ZNF33A: variants seen among roughly 807,000 people sequenced by gnomAD.
ZNF33A encodes the protein brain my041 protein.
A neutral mutation model predicts 15.9 loss-of-function variants in ZNF33A; 9 were observed. The observed-to-expected ratio is 0.57, with a 90% CI of 0.34 to 0.99. The LOEUF (loss-of-function observed/expected upper bound fraction) is 0.99. Ranked by LOEUF, ZNF33A falls within the 50% of genes least tolerant of loss-of-function variation. ZNF33A has a pLI of 0.02. For synonymous variants in ZNF33A, 294 were observed against 324.2 expected (o/e 0.91, Z 1.00); for missense variants, 843 against 941.6 (o/e 0.90, Z 1.37).
At chr10:38,037,511 A>G (rs2065505930) in intron 4 of ZNF33A, among the ~76,000 whole-genome samples, 1 of 151,790 alleles carries the variant, frequency 6.6e-6, no homozygotes, top group Non-Finnish European at 1.5e-5. Context: ...TTTTTAGTAG[A>G]GATGGAGTTT....
At chr10:38,022,519 TG>T (rs1308156999) in intron 4 of ZNF33A, among the ~76,000 whole-genome samples, 1 of 151,834 alleles carries the variant, frequency 6.6e-6, no homozygotes, top group Non-Finnish European at 1.5e-5. Context: ...TAGTCTGGTG[TG>T]GTGGTGCACG....
intron 2 of ZNF33A, among the ~76,000 whole-genome samples, chr10:38,014,553 C>A (rs1304360861): frequency 6.6e-6 from 1 of 152,182 alleles, no homozygotes; most frequent in Non-Finnish European, 1.5e-5. Flanking sequence ...AGGTAGATGT[C>A]AGATTCCTTT....
chr10:38,061,012 TACAGCACTTG>T (rs929246326), downstream of ZNF33A, among the ~76,000 whole-genome samples: 30 of 152,296 alleles, frequency 2.0e-4, no homozygotes, highest in African/African-American at 6.7e-4. Context: ...GACCACACTG[TACAGCACTTG>T]ACAGTCACTG....
chr10:38,037,334 CTTT>C (rs372716423), intron 4 of ZNF33A, among the ~76,000 whole-genome samples: 1 of 147,796 alleles, frequency 6.8e-6, no homozygotes, highest in African/African-American at 2.5e-5. Flanking sequence ...TTTCTTTTTT[CTTT>C]TTTTTTTTGA....
At chr10:38,026,194 A>G (rs1316622442) in intron 4 of ZNF33A, among the ~76,000 whole-genome samples, 1 of 152,228 alleles carries the variant, frequency 6.6e-6, no homozygotes, top group Non-Finnish European at 1.5e-5. Flanking sequence ...TTCAGTGAAC[A>G]CTGGCATATC....
At chr10:38,060,713 G>T (rs2066645877), downstream of ZNF33A, among the ~76,000 whole-genome samples, 1 of 152,210 alleles carries the variant, frequency 6.6e-6, no homozygotes, top group Non-Finnish European at 1.5e-5. Context: ...CCCATCCGAA[G>T]CCAGGGTCAT....
downstream of ZNF33A, chr10:38,064,122 C>T (rs751081154): frequency 6.3e-7 from 1 of 1,595,952 alleles, no homozygotes; most frequent in Non-Finnish European, 8.5e-7. Flanking sequence ...GATTAAACCC[C>T]TGCAGTGCTG....
At chr10:38,025,758 A>G (rs2064958712) in intron 4 of ZNF33A, among the ~76,000 whole-genome samples, 1 of 152,270 alleles carries the variant, frequency 6.6e-6, no homozygotes, top group Non-Finnish European at 1.5e-5. Flanking sequence ...ATGATGCTGG[A>G]GCATTTTAAC....
intron 1 of ZNF33A, among the ~76,000 whole-genome samples, chr10:38,011,847 T>A (rs2064201365): frequency 6.6e-6 from 1 of 152,202 alleles, no homozygotes; most frequent in Non-Finnish European, 1.5e-5. Context: ...CGCTTATGGC[T>A]TTCTGTGGAG....
At position 38,052,069 on chromosome 10, in the gene ZNF33A, A is replaced by G. The variant is rs190079980; in HGVS notation, c.251-2306A>G. 3.9e-5 allele frequency among the ~76,000 whole-genome samples: 6 copies of G among 152,302 alleles called. No individual in the cohort carries two copies. The East Asian group carries it at 7.7e-4, about 20-fold the overall frequency. On this transcript the variant is annotated intron_variant, in intron 4 of 4. Coordinates refer to ENST00000432900, the MANE Select transcript of ZNF33A (RefSeq NM_006954.2). ...ATGATTTCTTTCCAATATCAGGAACATGACAAGGATGTCCACCCATACTTG... is the reference window on the plus strand; with the variant it reads ...ATGATTTCTTTCCAATATCAGGAACGTGACAAGGATGTCCACCCATACTTG...
intron 1 of ZNF33A, 39 bp downstream of exon 1, chr10:38,010,822 C>A (rs747357879): frequency 6.3e-7 from 1 of 1,596,216 alleles, no homozygotes. Context: ...GAGAGGGAGC[C>A]CCGCGCGACT....
At position 38,059,651 on chromosome 10, in the gene ZNF33A, G is replaced by A. The variant is rs1415640578; in HGVS notation, c.*3091G>A. 6.6e-6 allele frequency: 1 copy of A among 152,174 alleles called. No individual in the cohort carries two copies. The highest frequency in any genetic ancestry group is 1.5e-5 in the Non-Finnish European group (1 of 68,030). 9.4% of individuals were successfully genotyped at this position (152,174 alleles called of 1,614,324 possible). A position where few individuals can be genotyped will look rare whatever the true frequency, so the allele number is the denominator to read the frequency against. On this transcript the variant is annotated 3_prime_UTR_variant, in exon 5 of 5. Transcript: ENST00000432900. Reference sequence around the variant, plus strand: ...TATGATTGCAATTATATGACATTTTGGGAGAGGCAAAACTATTGAGCCAGT... The same window carrying A: ...TATGATTGCAATTATATGACATTTTAGGAGAGGCAAAACTATTGAGCCAGT...
chr10:38,020,137 CAG>C (rs975152495), intron 4 of ZNF33A, among the ~76,000 whole-genome samples: 38 of 152,142 alleles, frequency 2.5e-4, no homozygotes, highest in African/African-American at 8.4e-4. Context: ...AGCAGCCTAA[CAG>C]AGCAATATTT....
Position 38,056,795 on chromosome 10 carries a change from CTAAA to C in ZNF33A, c.*236_*239del. On this transcript the variant is annotated 3_prime_UTR_variant, in exon 5 of 5. Coordinates refer to ENST00000432900, the MANE Select transcript of ZNF33A (RefSeq NM_006954.2). The stretch of plus-strand genomic sequence containing the variant: ...GGAGAAAATTGTCAATTTAAGAAAT[CTAAA>C]GTGAAAATTTTGCTTAGAAATAAAA... The C allele has an allele frequency of 8.4e-7, 1 of 1,192,758 alleles. No individual in the cohort carries two copies. The highest frequency in any genetic ancestry group is 1.0e-6 in the Non-Finnish European group (1 of 962,930). The allele number at this position is 1,192,758 out of a possible 1,614,324, so 73.9% of individuals were successfully genotyped here.
chr10:38,016,791 A>G (rs2064468444), intron 2 of ZNF33A, 80 bp from the exon 3 acceptor site: 1 of 1,502,410 alleles, frequency 6.7e-7, no homozygotes, highest in Non-Finnish European at 9.0e-7. Flanking sequence ...ATAAAACAAA[A>G]CAATATTCTG....
intron 4 of ZNF33A, among the ~76,000 whole-genome samples, chr10:38,025,064 A>G (rs1347185122): frequency 6.6e-6 from 1 of 152,230 alleles, no homozygotes; most frequent in East Asian, 1.9e-4. Context: ...CCTAATTTAT[A>G]AATTAAACTT....
chr10:38,057,898 G>A lies in ZNF33A; in HGVS notation c.*1338G>A, dbSNP rs2066550030. 1.0e-6 allele frequency: 1 copy of A among 985,332 alleles called. No homozygotes were observed. The allele number at this position is 985,332 out of a possible 1,614,324, so 61.0% of individuals were successfully genotyped here. On this transcript the variant is annotated 3_prime_UTR_variant, in exon 5 of 5. Transcript: ENST00000432900. Reference sequence around the variant, plus strand: ...TTCAAGGCTCATTGTCCCCAGACAGGGATCTGGGCCCTCAGACTTTTGAGA... The same window carrying A: ...TTCAAGGCTCATTGTCCCCAGACAGAGATCTGGGCCCTCAGACTTTTGAGA...
chr10:38,010,882 G>C (rs1014394406), intron 1 of ZNF33A, 99 bp downstream of exon 1: 35 of 1,453,782 alleles, frequency 2.4e-5, no homozygotes, highest in East Asian at 1.8e-4. Flanking sequence ...GAGGAGGCCC[G>C]GGGACCTCAT....
chr10:38,055,686 G>A lies in ZNF33A; in HGVS notation c.1562G>A (p.Gly521Glu). 1 of 1,613,626 alleles carries A rather than the reference G, an allele frequency of 6.2e-7. No individual in the cohort carries two copies. Among genetic ancestry groups the A allele is most frequent in the Non-Finnish European group, 8.5e-7 (1 of 1,179,934 alleles). The change falls in exon 5 of 5, where the codon GGG (glycine) becomes GAG (glutamate). Residue 521 changes from glycine (G) to glutamate (E), a missense_variant. By Grantham distance (98) the Gly-to-Glu change is moderately conservative. Coordinates refer to ENST00000432900, the MANE Select transcript of ZNF33A (RefSeq NM_006954.2). Reference protein sequence around the residue: ...LLTRHQIIHTGWKPYECYECG... With the variant: ...LLTRHQIIHTEWKPYECYECG... ...ACCAGGCATCAGATAATTCATACAG[G>A]GTGGAAACCTTATGAATGTTATGAA... is the stretch of plus-strand genomic sequence containing the variant.
Sources: allele counts gnomAD v4.1 joint callset (sites outside exome capture counted in the v4.1 genomes callset), GRCh38; gene constraint gnomAD v4.1.1; transcripts MANE v1.5; gene names NCBI Gene and HGNC (gene_info 2026-07-23, HGNC 2026-07-21).